The following NEDD4L variants were observed in gnomAD, a reference collection of about 807,000 sequenced individuals.
The protein encoded by NEDD4L is NEDD4 like E3 ubiquitin protein ligase.
NEDD4L carries 54 observed loss-of-function variants against 148.9 expected under a neutral mutation model. The observed-to-expected ratio is 0.36, with a 90% CI of 0.29 to 0.45. The LOEUF (loss-of-function observed/expected upper bound fraction) is 0.45, where lower values mean the gene tolerates loss of function less well. Ranked by LOEUF, NEDD4L falls within the 20% of genes least tolerant of loss-of-function variation. NEDD4L has a pLI of 1.00. For missense variants in NEDD4L, 856 were observed against 1,233.8 expected, an observed-to-expected ratio of 0.69 and a Z score of 4.59; for synonymous variants, 433 against 440.7, an observed-to-expected ratio of 0.98 and a Z score of 0.22.
chr18:58,108,041 G>A (rs1319366592), intron 1 of NEDD4L, among the ~76,000 whole-genome samples: 5 of 152,182 alleles, frequency 3.3e-5, no homozygotes, highest in East Asian at 1.9e-4. Context: ...TTTGTGCGGT[G>A]AGAGGAGGAT....
At chr18:58,182,119 G>C (rs139718130) in intron 2 of NEDD4L, among the ~76,000 whole-genome samples, 4 of 150,130 alleles carry the variant, frequency 2.7e-5, no homozygotes, top group African/African-American at 1.0e-4. Context: ...AATTCTACCA[G>C]GGGCAGGGGA....
chr18:58,258,464 C>T (rs1006709841), intron 5 of NEDD4L, among the ~76,000 whole-genome samples: 2 of 152,142 alleles, frequency 1.3e-5, no homozygotes, highest in Admixed American at 6.5e-5. Context: ...CAATTAAACT[C>T]AAAAAAGTTC....
intron 1 of NEDD4L, among the ~76,000 whole-genome samples, chr18:58,125,973 C>T (rs1030254455): frequency 3.9e-5 from 6 of 152,232 alleles, no homozygotes; most frequent in Admixed American, 6.5e-5. Flanking sequence ...ACGCACCAAA[C>T]GGGTTCCAGT....
intron 1 of NEDD4L, among the ~76,000 whole-genome samples, chr18:58,139,080 C>T (rs2033194919): frequency 6.6e-6 from 1 of 152,210 alleles, no homozygotes; most frequent in Admixed American, 6.5e-5. Context: ...TGATATAATC[C>T]TTCAAACGAA....
At position 58,329,003 on chromosome 18, in the gene NEDD4L, C is replaced by T. The variant is rs1601316857; in HGVS notation, c.689C>T (p.Ser230Phe). Residue 230 changes from serine (S) to phenylalanine (F), a missense_variant, in exon 10 of 31, where the codon TCC becomes TTC. Physicochemically the swap from Ser to Phe is radical, Grantham distance 155 (BLOSUM62 -2). Around this residue, in one of 4 missense-constraint regions of NEDD4L, gnomAD observed 367 missense variants for 422.7 expected, o/e 0.87. Transcript: ENST00000400345. ...CTTTCCTGCATGCTCAGGGACGTGT[C>T]CTCGGAGTCGGACAATAACATCAGA... Reference protein sequence around the residue: ...QWHRPSLMDVSSESDNNIRQI... With the variant: ...QWHRPSLMDVFSESDNNIRQI... The T allele has an allele frequency of 6.2e-7, 1 of 1,614,002 alleles. No individual in the cohort carries two copies.
At chr18:58,148,048 CTT>C (rs34075636) in intron 1 of NEDD4L, among the ~76,000 whole-genome samples, 1 of 148,450 alleles carries the variant, frequency 6.7e-6, no homozygotes, top group East Asian at 2.0e-4. Flanking sequence ...CTCTCCCCCC[CTT>C]TTTTTTTTGG....
intron 1 of NEDD4L, among the ~76,000 whole-genome samples, chr18:58,115,789 CAG>C (rs1350411154): frequency 6.6e-6 from 1 of 152,182 alleles, no homozygotes; most frequent in Admixed American, 6.5e-5. Flanking sequence ...ATTATTAATA[CAG>C]AGTTAGTTTT....
At chr18:58,180,560 A>G (rs1599425819) in intron 2 of NEDD4L, among the ~76,000 whole-genome samples, 1 of 150,032 alleles carries the variant, frequency 6.7e-6, no homozygotes, top group African/African-American at 2.5e-5. Flanking sequence ...CTGCCTCCCC[A>G]CCCCTTGGCT....
At chr18:58,143,715 G>C (rs900297071) in intron 1 of NEDD4L, among the ~76,000 whole-genome samples, 1 of 152,186 alleles carries the variant, frequency 6.6e-6, no homozygotes, top group South Asian at 2.1e-4. Context: ...TCAGGAAGCA[G>C]AATTAATCCT....
intron 3 of NEDD4L, among the ~76,000 whole-genome samples, chr18:58,246,975 G>T (rs577513015): frequency 9.2e-5 from 14 of 152,034 alleles, no homozygotes; most frequent in Admixed American, 2.0e-4. Flanking sequence ...GGAGATTGAG[G>T]TTGCAGTGAG....
intron 6 of NEDD4L, among the ~76,000 whole-genome samples, chr18:58,319,465 C>A (rs1450285968): frequency 6.6e-6 from 1 of 152,212 alleles, no homozygotes; most frequent in Non-Finnish European, 1.5e-5. Flanking sequence ...CTGAAAGCAA[C>A]TACTCTCTTT....
intron 19 of NEDD4L, among the ~76,000 whole-genome samples, chr18:58,362,024 A>C (rs2045555261): frequency 6.6e-6 from 1 of 152,230 alleles, no homozygotes; most frequent in Non-Finnish European, 1.5e-5. Flanking sequence ...CTACCTCTGG[A>C]GAGAAAAGAT....
At chr18:58,166,670 G>T (rs2036883242) in intron 2 of NEDD4L, among the ~76,000 whole-genome samples, 1 of 152,202 alleles carries the variant, frequency 6.6e-6, no homozygotes, top group Non-Finnish European at 1.5e-5. Context: ...TGTTTGAGGA[G>T]TGACAGGAAC....
At chr18:58,346,176 A>G (rs955353380) in intron 16 of NEDD4L, among the ~76,000 whole-genome samples, 2 of 152,162 alleles carry the variant, frequency 1.3e-5, no homozygotes, top group East Asian at 3.8e-4. Flanking sequence ...CCAAGGAGGG[A>G]TGTTCCATCC....
At chr18:58,351,574 G>A (rs1486863946) in intron 18 of NEDD4L, among the ~76,000 whole-genome samples, 1 of 152,020 alleles carries the variant, frequency 6.6e-6, no homozygotes, top group African/African-American at 2.4e-5. Flanking sequence ...ATAGACATTT[G>A]CTCCAGCACC....
At chr18:58,277,326 A>G (rs934985385) in intron 5 of NEDD4L, among the ~76,000 whole-genome samples, 1 of 152,174 alleles carries the variant, frequency 6.6e-6, no homozygotes, top group African/African-American at 2.4e-5. Flanking sequence ...TCCCCGAGGC[A>G]GCAGAGAAAG....
At chr18:58,190,950 AT>A (rs2040040145) in intron 2 of NEDD4L, among the ~76,000 whole-genome samples, 1 of 152,078 alleles carries the variant, frequency 6.6e-6, no homozygotes, top group Non-Finnish European at 1.5e-5. Flanking sequence ...ATACCTACAG[AT>A]TTTTAAAAGG....
intron 24 of NEDD4L, among the ~76,000 whole-genome samples, chr18:58,379,578 T>C (rs1158932917): frequency 6.6e-6 from 1 of 152,134 alleles, no homozygotes; most frequent in East Asian, 1.9e-4. Flanking sequence ...TAGAGTCAGA[T>C]AGCCGCCTCT....
At chr18:58,339,112 G>A (rs1302280438) in intron 13 of NEDD4L, among the ~76,000 whole-genome samples, 1 of 151,906 alleles carries the variant, frequency 6.6e-6, no homozygotes, top group Non-Finnish European at 1.5e-5. Flanking sequence ...TTTTCCAGGG[G>A]CGGGGCCAGG....
Sources: allele counts gnomAD v4.1 joint callset (sites outside exome capture counted in the v4.1 genomes callset), GRCh38; gene constraint gnomAD v4.1.1; regional missense constraint gnomAD v4.1.1; transcripts MANE v1.5; gene names NCBI Gene and HGNC (gene_info 2026-07-23, HGNC 2026-07-21).